The following MAMDC2 variants were observed in gnomAD, a reference collection of about 807,000 sequenced individuals.
The protein encoded by MAMDC2 is MAM domain containing 2.
A neutral mutation model predicts 89.8 loss-of-function variants in MAMDC2; 57 were observed. The observed-to-expected ratio is 0.63, with a 90% CI of 0.51 to 0.79. The LOEUF (loss-of-function observed/expected upper bound fraction) is 0.79. Among genes scored for constraint, MAMDC2 ranks in the 30% least tolerant of loss-of-function variants. The pLI is 0.00. For synonymous variants in MAMDC2, 313 were observed against 293.4 expected (o/e 1.07, Z -0.68); for missense variants, 800 against 820.6 (o/e 0.97, Z 0.31).
intron 2 of MAMDC2, among the ~76,000 whole-genome samples, chr9:70,047,773 C>T (rs2997657): frequency 0.25 from 37,510 of 152,062 alleles, 5,010 homozygotes; most frequent in African/African-American, 0.35. Flanking sequence ...AATCTGCGAA[C>T]TGGGGTTTCA....
chr9:70,197,718 CAAAAA>C (rs1416469818), intron 11 of MAMDC2, among the ~76,000 whole-genome samples: 1 of 152,110 alleles, frequency 6.6e-6, no homozygotes, highest in East Asian at 1.9e-4. Flanking sequence ...AAGTTTTTGG[CAAAAA>C]CAAAACAAAA....
At chr9:70,077,405 G>A (rs931992843) in intron 2 of MAMDC2, among the ~76,000 whole-genome samples, 1 of 152,306 alleles carries the variant, frequency 6.6e-6, no homozygotes, top group South Asian at 2.1e-4. Context: ...TGTGATAATA[G>A]AAATGTTGGG....
At chr9:70,161,194 C>G (rs1322038351) in intron 9 of MAMDC2, among the ~76,000 whole-genome samples, 2 of 152,112 alleles carry the variant, frequency 1.3e-5, no homozygotes, top group Non-Finnish European at 2.9e-5. Flanking sequence ...TTTCTGAAAT[C>G]TTTGAGTTGA....
At chr9:70,191,908 T>C (rs1361566811) in intron 11 of MAMDC2, among the ~76,000 whole-genome samples, 1 of 152,132 alleles carries the variant, frequency 6.6e-6, no homozygotes, top group African/African-American at 2.4e-5. Context: ...CCTTAGAAGA[T>C]TGCCAAGTGA....
intron 11 of MAMDC2, chr9:70,216,509 T>C (rs558289482): frequency 3.9e-5 from 6 of 152,370 alleles, no homozygotes; most frequent in African/African-American, 1.4e-4. Context: ...CATGACCTCA[T>C]CTAGCCCTAA....
chr9:70,110,846 G>T (rs1198365786), intron 4 of MAMDC2, among the ~76,000 whole-genome samples: 1 of 152,138 alleles, frequency 6.6e-6, no homozygotes, highest in Non-Finnish European at 1.5e-5. Context: ...AATTAGCAGT[G>T]GAATTGGAAA....
rs762080764 is a variant in MAMDC2, at chr9:70,104,837, T to C, written c.149-3374T>C. On this transcript the variant is annotated intron_variant, in intron 2 of 13. Coordinates refer to ENST00000377182, the MANE Select transcript of MAMDC2 (RefSeq NM_153267.5). ...GATACAGGGTTTCCTTTTGGGGTTATGGTGAAAATGTTCTGGAATTAGATA... is the reference window on the plus strand; with the variant it reads ...GATACAGGGTTTCCTTTTGGGGTTACGGTGAAAATGTTCTGGAATTAGATA... Among the ~76,000 whole-genome samples the C allele has an allele frequency of 2.1e-4, 32 of 152,268 alleles. 1 individual carries two copies. Among genetic ancestry groups the C allele is most frequent in the Non-Finnish European group, 4.0e-4 (27 of 68,006 alleles).
Position 70,106,906 on chromosome 9 carries a change from C to T in MAMDC2, c.149-1305C>T, listed in dbSNP as rs377048020. Among the ~76,000 whole-genome samples, 134 of 152,260 alleles carry T rather than the reference C, an allele frequency of 8.8e-4. 1 individual carries two copies. In the South Asian group the frequency reaches 0.025, roughly 29 times the overall value. On this transcript the variant is annotated intron_variant, in intron 2 of 13. Transcript: ENST00000377182. ...CCAGTTAGCCTGTCGGTACTCGCCACGGATATAAGGATCCAGGCTGGGATG... is the reference window on the plus strand; with the variant it reads ...CCAGTTAGCCTGTCGGTACTCGCCATGGATATAAGGATCCAGGCTGGGATG...
At chr9:70,220,284 T>A (rs903644947) in intron 12 of MAMDC2, among the ~76,000 whole-genome samples, 3 of 152,130 alleles carry the variant, frequency 2.0e-5, no homozygotes, top group Non-Finnish European at 2.9e-5. Context: ...TTTGAAATGT[T>A]TTTTGAGTAC....
rs568577853 is a variant in MAMDC2, at chr9:70,138,314, G to A, written c.995-1831G>A. 9.2e-5 allele frequency among the ~76,000 whole-genome samples: 14 copies of A among 152,188 alleles called. 1 individual carries two copies. The South Asian group carries it at 1.0e-3, about 11-fold the overall frequency. On this transcript the variant is annotated intron_variant, in intron 7 of 13. Coordinates refer to ENST00000377182, the MANE Select transcript of MAMDC2 (RefSeq NM_153267.5). ...TTCTTTATTCAGTCATCCGCTGATGGGCACTGAGGTTGTTTCCTTATCTTT... is the reference window on the plus strand; with the variant it reads ...TTCTTTATTCAGTCATCCGCTGATGAGCACTGAGGTTGTTTCCTTATCTTT...
At chr9:70,104,530 G>A (rs1339952797) in intron 2 of MAMDC2, among the ~76,000 whole-genome samples, 1 of 152,114 alleles carries the variant, frequency 6.6e-6, no homozygotes, top group Non-Finnish European at 1.5e-5. Flanking sequence ...AGTCAAAAAG[G>A]AGAGGCAATC....
At chr9:70,096,496 C>A (rs1310387024) in intron 2 of MAMDC2, among the ~76,000 whole-genome samples, 2 of 152,186 alleles carry the variant, frequency 1.3e-5, no homozygotes, top group African/African-American at 2.4e-5. Flanking sequence ...TCAGCCCCCC[C>A]TTTGAGGAGC....
intron 5 of MAMDC2, among the ~76,000 whole-genome samples, chr9:70,117,745 T>C (rs1382735115): frequency 6.6e-6 from 1 of 151,904 alleles, no homozygotes; most frequent in Non-Finnish European, 1.5e-5. Context: ...AAAGGTGATA[T>C]GTGGTCAAAT....
At chr9:70,082,113 A>T (rs2975862) in intron 2 of MAMDC2, 51,742 of 152,110 alleles carry the variant, frequency 0.34, 9,821 homozygotes, top group African/African-American at 0.51. Context: ...AAACAAATGC[A>T]TACAGGAATT....
chr9:70,223,182 T>C (rs916260295), intron 12 of MAMDC2, among the ~76,000 whole-genome samples: 2 of 151,456 alleles, frequency 1.3e-5, no homozygotes, highest in African/African-American at 4.9e-5. Context: ...CAAATTTTCT[T>C]GTTTATGATG....
chr9:70,120,066 A>T (rs575977333), intron 5 of MAMDC2, among the ~76,000 whole-genome samples: 1 of 152,332 alleles, frequency 6.6e-6, no homozygotes, highest in African/African-American at 2.4e-5. Flanking sequence ...CCGCACTGGT[A>T]GGCAGTTCTC....
intron 7 of MAMDC2, among the ~76,000 whole-genome samples, chr9:70,137,235 C>A (rs2031044278): frequency 6.6e-6 from 1 of 152,108 alleles, no homozygotes; most frequent in Non-Finnish European, 1.5e-5. Flanking sequence ...ACAAAGAACT[C>A]CTATATACTT....
chr9:70,159,047 T>C (rs1380215727), intron 9 of MAMDC2, among the ~76,000 whole-genome samples: 1 of 145,066 alleles, frequency 6.9e-6, no homozygotes, highest in African/African-American at 2.5e-5. Context: ...GCATGCATAA[T>C]ACACACACAC....
intron 2 of MAMDC2, among the ~76,000 whole-genome samples, chr9:70,053,060 G>C (rs1205645546): frequency 6.6e-6 from 1 of 152,226 alleles, no homozygotes; most frequent in Non-Finnish European, 1.5e-5. Context: ...CTTTGAACTA[G>C]CTATGGAGAG....
Sources: allele counts gnomAD v4.1 joint callset (sites outside exome capture counted in the v4.1 genomes callset), GRCh38; gene constraint gnomAD v4.1.1; transcripts MANE v1.5; gene names NCBI Gene and HGNC (gene_info 2026-07-23, HGNC 2026-07-21).